Variants in CHCHD3 observed in about 807,000 individuals in gnomAD.
CHCHD3 encodes the protein coiled-coil-helix-coiled-coil-helix domain containing 3.
A neutral mutation model predicts 38.2 loss-of-function variants in CHCHD3; 20 were observed. The ratio of observed to expected loss-of-function variants is 0.52; its 90% CI spans 0.37 to 0.76. CHCHD3 has a LOEUF of 0.76. Among genes scored for constraint, CHCHD3 ranks in the 30% least tolerant of loss-of-function variants. CHCHD3 has a pLI of 0.00. For synonymous variants in CHCHD3, 82 were observed against 100.0 expected (o/e 0.82, Z 1.07); for missense variants, 245 against 279.2 (o/e 0.88, Z 0.87).
chr7:133,040,995 C>T (rs1361324619), intron 2 of CHCHD3, among the ~76,000 whole-genome samples: 1 of 152,176 alleles, frequency 6.6e-6, no homozygotes, highest in Admixed American at 6.5e-5. Flanking sequence ...CCTCGAGTGT[C>T]CCTGCTGGTA....
intron 3 of CHCHD3, among the ~76,000 whole-genome samples, chr7:132,977,413 G>A (rs1431955516): frequency 6.6e-6 from 1 of 152,092 alleles, no homozygotes; most frequent in African/African-American, 2.4e-5. Flanking sequence ...AAATCCTGGA[G>A]GTAAATGAAA....
chr7:132,903,725 C>G (rs1469613427), intron 4 of CHCHD3, among the ~76,000 whole-genome samples: 1 of 152,180 alleles, frequency 6.6e-6, no homozygotes, highest in Admixed American at 6.5e-5. Context: ...TACATATTGC[C>G]TTTCTGACTT....
At chr7:133,018,022 G>T (rs1222372678) in intron 3 of CHCHD3, among the ~76,000 whole-genome samples, 1 of 152,206 alleles carries the variant, frequency 6.6e-6, no homozygotes, top group Non-Finnish European at 1.5e-5. Flanking sequence ...AACTGGTTAG[G>T]TCTTTTTATC....
chr7:132,936,114 CAAG>C (rs1166418274), intron 4 of CHCHD3, among the ~76,000 whole-genome samples: 2 of 152,136 alleles, frequency 1.3e-5, no homozygotes, highest in Admixed American at 1.3e-4. Flanking sequence ...TGCATAGGCA[CAAG>C]AATACAACCA....
chr7:132,846,757 A>G (rs999979529), intron 5 of CHCHD3, among the ~76,000 whole-genome samples: 26 of 152,240 alleles, frequency 1.7e-4, no homozygotes, highest in Non-Finnish European at 7.3e-5. Context: ...GATGGGATAG[A>G]GACAAGTCTA....
At chr7:132,947,949 A>T (rs563870809) in intron 4 of CHCHD3, among the ~76,000 whole-genome samples, 1 of 152,110 alleles carries the variant, frequency 6.6e-6, no homozygotes, top group Admixed American at 6.6e-5. Context: ...ATAAAATAAA[A>T]GTGTGACAAG....
chr7:132,785,589 C>T lies in CHCHD3; in HGVS notation c.*48G>A. The T allele has an allele frequency of 6.2e-7, 1 of 1,600,300 alleles. No individual in the cohort carries two copies. The highest frequency in any genetic ancestry group is 8.6e-7 in the Non-Finnish European group (1 of 1,168,106). ...TTTTCTCACTAGGAAAAAAAATGTT[C>T]CATCTCTGGAATTAACGTTGATGGT... On this transcript the variant is annotated 3_prime_UTR_variant, in exon 8 of 8. Transcript: ENST00000262570.
intron 3 of CHCHD3, among the ~76,000 whole-genome samples, chr7:133,016,882 C>T (rs1438527439): frequency 1.3e-5 from 2 of 152,198 alleles, no homozygotes; most frequent in Non-Finnish European, 1.5e-5. Flanking sequence ...CCTATGTGGA[C>T]CACTGCCCAT....
chr7:133,076,858 C>T (rs1815004904), intron 1 of CHCHD3, among the ~76,000 whole-genome samples: 1 of 152,204 alleles, frequency 6.6e-6, no homozygotes, highest in South Asian at 2.1e-4. Context: ...CTCCTGCCTC[C>T]ATTAGTTTAT....
chr7:132,857,700 G>A (rs1050937395), intron 5 of CHCHD3, among the ~76,000 whole-genome samples: 6 of 151,972 alleles, frequency 3.9e-5, no homozygotes, highest in Non-Finnish European at 7.4e-5. Flanking sequence ...GAGCCGCTGC[G>A]CCTGGCCTAG....
At chr7:132,967,781 G>T (rs1186909294) in intron 4 of CHCHD3, among the ~76,000 whole-genome samples, 1 of 149,496 alleles carries the variant, frequency 6.7e-6, no homozygotes, top group Non-Finnish European at 1.5e-5. Flanking sequence ...AATGAGCCGT[G>T]ATCATGCACT....
At chr7:132,963,322 ATTTTTTTTTT>A (rs1005146883) in intron 4 of CHCHD3, among the ~76,000 whole-genome samples, 16 of 87,568 alleles carry the variant, frequency 1.8e-4, no homozygotes, top group Admixed American at 8.5e-4. Flanking sequence ...TAAAATTGTA[ATTTTTTTTTT>A]TTTTTTTTTT....
intron 4 of CHCHD3, among the ~76,000 whole-genome samples, chr7:132,966,719 G>A (rs1811473541): frequency 6.6e-6 from 1 of 152,216 alleles, no homozygotes; most frequent in Non-Finnish European, 1.5e-5. Flanking sequence ...AAAGATTGCT[G>A]TAAGAATATA....
At chr7:132,818,140 T>A (rs1407133069) in intron 6 of CHCHD3, among the ~76,000 whole-genome samples, 1 of 152,194 alleles carries the variant, frequency 6.6e-6, no homozygotes, top group African/African-American at 2.4e-5. Flanking sequence ...AGCAGTGCTG[T>A]TTTATGTGAT....
At chr7:132,994,537 A>T (rs1166130558) in intron 3 of CHCHD3, among the ~76,000 whole-genome samples, 1 of 152,220 alleles carries the variant, frequency 6.6e-6, no homozygotes, top group Non-Finnish European at 1.5e-5. Flanking sequence ...ATGAAGTTAT[A>T]TGAGAAAACA....
At chr7:132,837,493 A>C (rs1807815858) in intron 6 of CHCHD3, among the ~76,000 whole-genome samples, 1 of 152,192 alleles carries the variant, frequency 6.6e-6, no homozygotes, top group Non-Finnish European at 1.5e-5. Context: ...AATAAACCTC[A>C]AACTACCTTT....
intron 6 of CHCHD3, 24 bp downstream of exon 6, chr7:132,838,375 A>T (rs1177938023): frequency 6.7e-7 from 1 of 1,497,548 alleles, no homozygotes; most frequent in Admixed American, 1.7e-5. Flanking sequence ...ATAGTAAATA[A>T]TTATAATACT....
chr7:133,017,005 C>T (rs1813049990), intron 3 of CHCHD3, among the ~76,000 whole-genome samples: 1 of 152,192 alleles, frequency 6.6e-6, no homozygotes, highest in Admixed American at 6.5e-5. Context: ...AAGGAAAGTA[C>T]ACTCCTCAAA....
At chr7:132,863,942 T>G (rs1161395084) in intron 5 of CHCHD3, among the ~76,000 whole-genome samples, 1 of 152,244 alleles carries the variant, frequency 6.6e-6, no homozygotes, top group Non-Finnish European at 1.5e-5. Context: ...GGGAATGTTG[T>G]GGCTGGTCTG....
Sources: gnomAD v4.1 joint callset for allele counts (sites outside exome capture counted in the v4.1 genomes callset) on GRCh38, gnomAD v4.1.1 for gene constraint, MANE v1.5 for transcripts, NCBI Gene and HGNC (gene_info 2026-07-23, HGNC 2026-07-21) for gene names.